IKBKB: variants seen among roughly 807,000 people sequenced by gnomAD.
The protein encoded by IKBKB is inhibitor of nuclear factor kappa B kinase subunit beta, also known as inhibitor of nuclear factor kappa-B kinase subunit beta.
In IKBKB, 42 loss-of-function variants were observed where a neutral mutation model predicts 113.6. The observed-to-expected ratio is 0.37, with a 90% CI of 0.29 to 0.48. IKBKB has a LOEUF of 0.48. Among genes scored for constraint, IKBKB ranks in the 20% least tolerant of loss-of-function variants. The pLI is 0.99. For synonymous variants in IKBKB, 296 were observed against 361.3 expected, an observed-to-expected ratio of 0.82 and a Z score of 2.05; for missense variants, 673 against 939.7, an observed-to-expected ratio of 0.72 and a Z score of 3.71.
chr8:42,274,060 T>C lies in IKBKB; in HGVS notation c.105+1855T>C, dbSNP rs932777474. On this transcript the variant is annotated intron_variant, in intron 2 of 21. Coordinates refer to ENST00000520810, the MANE Select transcript of IKBKB (RefSeq NM_001556.3). ...TTTTTTTTTTTCCGGAGACAGAGTCTCGCACTGTTGCCCAGGCTGGAGTGC... is the reference window on the plus strand; with the variant it reads ...TTTTTTTTTTTCCGGAGACAGAGTCCCGCACTGTTGCCCAGGCTGGAGTGC... Among the ~76,000 whole-genome samples, 10 of 152,200 alleles carry C rather than the reference T, an allele frequency of 6.6e-5. No individual in the cohort carries two copies. In the East Asian group the frequency reaches 1.9e-3, roughly 29 times the overall value.
In IKBKB at chr8:42,275,276, C is replaced by T. The variant is rs60449636; in HGVS notation, c.105+3071C>T. Among the ~76,000 whole-genome samples, 13 of 152,062 alleles carry T rather than the reference C, an allele frequency of 8.5e-5. No individual in the cohort carries two copies. The East Asian group carries it at 2.5e-3, about 29-fold the overall frequency. Reference sequence around the variant, plus strand: ...CATCATGGCTCACTGTAGCCTTGACCTCCTGGGCTCAAATGATCCTTCTGC... The same window carrying T: ...CATCATGGCTCACTGTAGCCTTGACTTCCTGGGCTCAAATGATCCTTCTGC... On this transcript the variant is annotated intron_variant, in intron 2 of 21. Transcript: ENST00000520810.
intron 2 of IKBKB, among the ~76,000 whole-genome samples, chr8:42,286,072 T>C (rs1359492878): frequency 6.6e-6 from 1 of 152,180 alleles, no homozygotes; most frequent in East Asian, 1.9e-4. Context: ...GTGCATGAAT[T>C]ATTCTCAATA....
intron 2 of IKBKB, among the ~76,000 whole-genome samples, chr8:42,283,342 C>T (rs757927711): frequency 6.6e-6 from 1 of 152,266 alleles, no homozygotes; most frequent in Non-Finnish European, 1.5e-5. Context: ...AATCCCTGAA[C>T]CTATGACTGG....
intron 5 of IKBKB, among the ~76,000 whole-genome samples, chr8:42,301,122 G>T (rs1815125257): frequency 6.6e-6 from 1 of 152,046 alleles, no homozygotes; most frequent in Non-Finnish European, 1.5e-5. Flanking sequence ...CTCCGAAAGT[G>T]CTGGGATTAC....
chr8:42,312,891 G>A (rs543627243), intron 8 of IKBKB, among the ~76,000 whole-genome samples: 7 of 152,228 alleles, frequency 4.6e-5, no homozygotes, highest in South Asian at 4.1e-4. Flanking sequence ...AGGAAAAACC[G>A]TAGTTGGACA....
At chr8:42,274,865 G>GT (rs1217227793) in intron 2 of IKBKB, among the ~76,000 whole-genome samples, 16 of 135,716 alleles carry the variant, frequency 1.2e-4, no homozygotes, top group African/African-American at 2.7e-4. Flanking sequence ...GACGAGATCA[G>GT]TTTTTTTTTG....
chr8:42,325,176 G>T, intron 19 of IKBKB: 1 of 975,888 alleles, frequency 1.0e-6, no homozygotes, highest in Non-Finnish European at 1.2e-6. Flanking sequence ...CGTGGGCTGT[G>T]AGCTGAGGAG....
chr8:42,311,789 A>T (rs1817757016), intron 8 of IKBKB, among the ~76,000 whole-genome samples: 4 of 152,308 alleles, frequency 2.6e-5, no homozygotes, highest in Non-Finnish European at 5.9e-5. Context: ...GTTCTGGAAT[A>T]TTGAGGAATT....
At chr8:42,271,855 T>C (rs1807824058) in intron 1 of IKBKB, 2 of 569,054 alleles carry the variant, frequency 3.5e-6, no homozygotes, top group East Asian at 6.2e-5. Flanking sequence ...GGTGACTTTC[T>C]TCCTTGCCTG....
At chr8:42,282,391 G>C (rs1810549902) in intron 2 of IKBKB, among the ~76,000 whole-genome samples, 1 of 152,164 alleles carries the variant, frequency 6.6e-6, no homozygotes. Context: ...ATTTTTAGTA[G>C]AGACAGAGTC....
At chr8:42,288,953 C>T (rs1811999501) in intron 3 of IKBKB, among the ~76,000 whole-genome samples, 1 of 151,412 alleles carries the variant, frequency 6.6e-6, no homozygotes, top group Non-Finnish European at 1.5e-5. Flanking sequence ...CATGGGTGGG[C>T]GCCTGTAGTC....
At position 42,271,333 on chromosome 8, in the gene IKBKB, T is replaced by TA; in HGVS notation, c.-155_-154insA. 2.6e-6 allele frequency: 3 copies of TA among 1,143,428 alleles called. No homozygotes were observed. The South Asian group carries it at 3.9e-5, about 15-fold the overall frequency. The allele number at this position is 1,143,428 out of a possible 1,614,324, so 70.8% of individuals were successfully genotyped here. ...TCAGAGCAGGAAGTGTTTGAGGAAG[T>TA]CGCGCCGCGCTGCCCGCGTTAAGAT... On this transcript the variant is annotated 5_prime_UTR_variant, in exon 1 of 22. Coordinates refer to ENST00000520810, the MANE Select transcript of IKBKB (RefSeq NM_001556.3).
chr8:42,308,866 G>A, intron 7 of IKBKB, 35 bp from the exon 8 acceptor site: 1 of 1,609,536 alleles, frequency 6.2e-7, no homozygotes, highest in Non-Finnish European at 8.5e-7. Context: ...CCCCAGAGAG[G>A]AGCAGCTCAG....
chr8:42,320,497 A>G (rs899770849), intron 15 of IKBKB: 2 of 465,540 alleles, frequency 4.3e-6, no homozygotes. Flanking sequence ...AGCCTATTTT[A>G]TGCAAAAGGA....
intron 2 of IKBKB, among the ~76,000 whole-genome samples, chr8:42,280,827 G>A (rs1467320986): frequency 6.6e-6 from 1 of 152,110 alleles, no homozygotes; most frequent in African/African-American, 2.4e-5. Context: ...GAAGCAGCAC[G>A]GACCTGTACT....
chr8:42,273,796 T>G (rs1207100200), intron 2 of IKBKB, among the ~76,000 whole-genome samples: 1 of 152,054 alleles, frequency 6.6e-6, no homozygotes, highest in Admixed American at 6.6e-5. Flanking sequence ...CAAGTGATCT[T>G]CCTGCCTTGG....
intron 2 of IKBKB, 44 bp downstream of exon 2, chr8:42,272,249 C>T (rs767029411): frequency 6.2e-7 from 1 of 1,613,524 alleles, no homozygotes; most frequent in Non-Finnish European, 8.5e-7. Context: ...GAGCCAGGCC[C>T]CCTCCTCACT....
chr8:42,295,725 G>GA (rs936045640), intron 5 of IKBKB, among the ~76,000 whole-genome samples: 262 of 142,962 alleles, frequency 1.8e-3, no homozygotes, highest in African/African-American at 1.9e-3. Context: ...ACTCCATCTT[G>GA]AAAAAAAAAA....
At chr8:42,303,198 G>A (rs1815785842) in intron 5 of IKBKB, among the ~76,000 whole-genome samples, 1 of 152,104 alleles carries the variant, frequency 6.6e-6, no homozygotes, top group Middle Eastern at 3.4e-3. Context: ...TGGTGGCGGC[G>A]ACGGCATACA....
Sources: allele counts gnomAD v4.1 joint callset (sites outside exome capture counted in the v4.1 genomes callset), GRCh38; gene constraint gnomAD v4.1.1; transcripts MANE v1.5; gene names NCBI Gene and HGNC (gene_info 2026-07-23, HGNC 2026-07-21).